Variants in BTBD9 observed in about 807,000 individuals in gnomAD.
BTBD9 encodes the protein BTB/POZ domain-containing protein 9.
Under a neutral mutation model 64.3 loss-of-function variants are expected in BTBD9, and 49 were observed. That is an observed-to-expected ratio of 0.76 (90% CI 0.61 to 0.97). The LOEUF (loss-of-function observed/expected upper bound fraction) is 0.97, where lower values mean the gene tolerates loss of function less well. BTBD9 is among the 50% of genes least tolerant of loss of function. BTBD9 has a pLI of 0.00. For synonymous variants in BTBD9, 260 were observed against 274.7 expected (o/e 0.95, Z 0.53); for missense variants, 598 against 762.1 (o/e 0.78, Z 2.53).
At chr6:38,501,176 C>T (rs528803337) in intron 6 of BTBD9, among the ~76,000 whole-genome samples, 1 of 152,154 alleles carries the variant, frequency 6.6e-6, no homozygotes, top group African/African-American at 2.4e-5. Context: ...TTGAAGAAGA[C>T]AGAGAACACC....
intron 6 of BTBD9, among the ~76,000 whole-genome samples, chr6:38,573,022 C>G (rs1440502700): frequency 1.3e-5 from 2 of 151,898 alleles, no homozygotes; most frequent in East Asian, 1.9e-4. Context: ...TGTATTGATA[C>G]AAAGTTCTCA....
At chr6:38,437,625 T>C (rs970716478) in intron 6 of BTBD9, among the ~76,000 whole-genome samples, 1 of 152,230 alleles carries the variant, frequency 6.6e-6, no homozygotes, top group Non-Finnish European at 1.5e-5. Flanking sequence ...TTTAATCTTA[T>C]ACCCCAGACA....
At chr6:38,342,853 A>C (rs1208222945) in intron 7 of BTBD9, among the ~76,000 whole-genome samples, 2 of 152,324 alleles carry the variant, frequency 1.3e-5, no homozygotes, top group Non-Finnish European at 1.5e-5. Flanking sequence ...TTACTGTTTT[A>C]AACACCTCTG....
chr6:38,628,959 A>G (rs1448800825), intron 1 of BTBD9, among the ~76,000 whole-genome samples: 1 of 152,162 alleles, frequency 6.6e-6, no homozygotes, highest in Non-Finnish European at 1.5e-5. Flanking sequence ...GTGATCAAAG[A>G]ATCAAGGGGA....
At chr6:38,455,331 AT>A (rs1029158957) in intron 6 of BTBD9, among the ~76,000 whole-genome samples, 1 of 151,994 alleles carries the variant, frequency 6.6e-6, no homozygotes, top group Admixed American at 6.6e-5. Flanking sequence ...CATTGCTATC[AT>A]TTTGCCTCAT....
At chr6:38,428,715 CTTTT>C (rs1168857802) in intron 6 of BTBD9, among the ~76,000 whole-genome samples, 1 of 138,200 alleles carries the variant, frequency 7.2e-6, no homozygotes. Flanking sequence ...TTCGTTTTTT[CTTTT>C]TTTTTTTTTT....
rs369844309 is a variant in BTBD9 at position 38,475,729 on chromosome 6, G to C, written c.1154+101871C>G. ...AGAACAGCATACCCATGATCTCTTG[G>C]GTCTCTGCTGTTTTTCAGCCAAAAG... On this transcript the variant is annotated intron_variant, in intron 6 of 10. Coordinates refer to ENST00000481247, the MANE Select transcript of BTBD9 (RefSeq NM_001099272.2). Among the ~76,000 whole-genome samples, 290 of 152,198 alleles carry C rather than the reference G, an allele frequency of 1.9e-3. 1 individual carries two copies. The highest frequency in any genetic ancestry group is 6.6e-3 in the African/African-American group (272 of 41,512).
intron 9 of BTBD9, among the ~76,000 whole-genome samples, chr6:38,227,978 G>T (rs940056457): frequency 2.6e-5 from 4 of 152,098 alleles, no homozygotes; most frequent in African/African-American, 9.7e-5. Flanking sequence ...TGGGGAGTAG[G>T]GATGAGTAAG....
Position 38,504,691 on chromosome 6 carries a change from AT to A in BTBD9, c.1154+72908del, listed in dbSNP as rs368042781. On this transcript the variant is annotated intron_variant, in intron 6 of 10. Transcript: ENST00000481247. Reference sequence around the variant, plus strand: ...CCTAGAATGTTTCCTATATAAATACATTGTACCAGTGTGTAAGGATGAACAC... The same window carrying A: ...CCTAGAATGTTTCCTATATAAATACATGTACCAGTGTGTAAGGATGAACAC... 127 of 438,696 alleles carry A rather than the reference AT, an allele frequency of 2.9e-4. 2 individuals are homozygous for A. Among genetic ancestry groups the A allele is most frequent in the Middle Eastern group, 2.1e-3 (4 of 1,928 alleles). 27.2% of individuals were successfully genotyped at this position (438,696 alleles called of 1,614,324 possible).
At chr6:38,635,661 T>C (rs947341988) in intron 1 of BTBD9, among the ~76,000 whole-genome samples, 2 of 152,178 alleles carry the variant, frequency 1.3e-5, no homozygotes, top group South Asian at 2.1e-4. Context: ...CTCTCACCCA[T>C]GTGATGCCTT....
At chr6:38,502,853 T>C (rs1275153552) in intron 6 of BTBD9, among the ~76,000 whole-genome samples, 1 of 152,190 alleles carries the variant, frequency 6.6e-6, no homozygotes, top group African/African-American at 2.4e-5. Flanking sequence ...TTCCAGCCAT[T>C]ATTCTAGGTG....
At chr6:38,525,902 G>T (rs1773464295) in intron 6 of BTBD9, among the ~76,000 whole-genome samples, 1 of 152,170 alleles carries the variant, frequency 6.6e-6, no homozygotes, top group Non-Finnish European at 1.5e-5. Flanking sequence ...ATTTAAAAGG[G>T]AATAAGAGTG....
At position 38,302,485 on chromosome 6, in the gene BTBD9, G is replaced by GTATATATATATATATATATATA. The variant is rs59324806; in HGVS notation, c.1265-14046_1265-14025dup. 8.5e-4 allele frequency among the ~76,000 whole-genome samples: 91 copies of GTATATATATATATATATATATA among 106,862 alleles called. 4 individuals carry two copies. Among genetic ancestry groups the GTATATATATATATATATATATA allele is most frequent in the Non-Finnish European group, 1.0e-3 (55 of 53,308 alleles). The allele number at this position is 106,862 out of a possible 152,430, so 70.1% of individuals were successfully genotyped here. A position where few individuals can be genotyped will look rare whatever the true frequency, so the allele number is the denominator to read the frequency against. ...CTGAATAATATTCCATTGTGTGTAT[G>GTATATATATATATATATATATA]TATATATATATATATATATATATAT... is the stretch of plus-strand genomic sequence containing the variant. On this transcript the variant is annotated intron_variant, in intron 7 of 10. Coordinates refer to ENST00000481247, the MANE Select transcript of BTBD9 (RefSeq NM_001099272.2).
In BTBD9 at chr6:38,304,067, G is replaced by GA. The variant is rs1326545404; in HGVS notation, c.1265-15607dup. Among the ~76,000 whole-genome samples the GA allele has an allele frequency of 2.0e-5, 3 of 150,918 alleles. No homozygotes were observed. The East Asian group carries it at 5.8e-4, about 29-fold the overall frequency. On this transcript the variant is annotated intron_variant, in intron 7 of 10. Coordinates refer to ENST00000481247, the MANE Select transcript of BTBD9 (RefSeq NM_001099272.2). ...ATGGATCTACAAAACGAGCCAAACA[G>GA]AGACACAACCAGACACACTCCACAC...
intron 6 of BTBD9, among the ~76,000 whole-genome samples, chr6:38,474,928 T>C (rs1053029583): frequency 1.3e-5 from 2 of 152,182 alleles, no homozygotes; most frequent in Admixed American, 1.3e-4. Flanking sequence ...CAAAAATTTA[T>C]ATACAAGAAT....
At chr6:38,414,956 C>A (rs1370981520) in intron 6 of BTBD9, among the ~76,000 whole-genome samples, 2 of 152,184 alleles carry the variant, frequency 1.3e-5, no homozygotes, top group Non-Finnish European at 2.9e-5. Flanking sequence ...CCCATACTTT[C>A]AATTGCCTAC....
intron 6 of BTBD9, among the ~76,000 whole-genome samples, chr6:38,572,731 C>A (rs191294561): frequency 1.5e-3 from 231 of 150,266 alleles, no homozygotes; most frequent in Non-Finnish European, 2.8e-3. Flanking sequence ...TGCAAAATAT[C>A]CTGACTGTAT....
At chr6:38,220,055 T>C (rs1250099015) in intron 9 of BTBD9, among the ~76,000 whole-genome samples, 1 of 152,202 alleles carries the variant, frequency 6.6e-6, no homozygotes, top group Admixed American at 6.5e-5. Context: ...AATGAAAAAG[T>C]GCGTCTACCT....
At chr6:38,210,003 C>T (rs1432328295) in intron 9 of BTBD9, among the ~76,000 whole-genome samples, 6 of 152,148 alleles carry the variant, frequency 3.9e-5, no homozygotes, top group South Asian at 2.1e-4. Context: ...CATATTCTAA[C>T]GCTGTGGCAG....
Sources: allele counts gnomAD v4.1 joint callset (sites outside exome capture counted in the v4.1 genomes callset), GRCh38; gene constraint gnomAD v4.1.1; transcripts MANE v1.5; gene names NCBI Gene and HGNC (gene_info 2026-07-23, HGNC 2026-07-21).